MND1: variants seen among roughly 807,000 people sequenced by gnomAD.
MND1 encodes meiotic nuclear divisions 1, also known as meiotic nuclear division protein 1 homolog.
Under a neutral mutation model 35.1 loss-of-function variants are expected in MND1, and 28 were observed. That is an observed-to-expected ratio of 0.80 (90% CI 0.59 to 1.09). The LOEUF is 1.09. MND1 is among the 50% of genes least tolerant of loss of function. The pLI, the probability that MND1 is intolerant of heterozygous loss-of-function variation, is 0.00. For synonymous variants in MND1, 69 were observed against 70.5 expected, an observed-to-expected ratio of 0.98 and a Z score of 0.11; for missense variants, 213 against 239.6, an observed-to-expected ratio of 0.89 and a Z score of 0.73.
intron 6 of MND1, among the ~76,000 whole-genome samples, chr4:153,402,012 A>G (rs1729358403): frequency 6.6e-6 from 1 of 152,128 alleles, no homozygotes; most frequent in African/African-American, 2.4e-5. Context: ...ACAATTAGCC[A>G]GGCATGGTGA....
chr4:153,362,409 G>A (rs1471784384), intron 4 of MND1, among the ~76,000 whole-genome samples: 2 of 152,124 alleles, frequency 1.3e-5, no homozygotes, highest in East Asian at 3.9e-4. Flanking sequence ...GGCTGTTTAA[G>A]TGTGTAGCAC....
intron 4 of MND1, among the ~76,000 whole-genome samples, chr4:153,370,773 C>T (rs1378659918): frequency 6.6e-6 from 1 of 151,968 alleles, no homozygotes; most frequent in African/African-American, 2.4e-5. Flanking sequence ...CCCACCTCAG[C>T]CTCCCAAAGT....
At chr4:153,372,157 T>C (rs935249061) in intron 4 of MND1, among the ~76,000 whole-genome samples, 1 of 151,956 alleles carries the variant, frequency 6.6e-6, no homozygotes, top group Non-Finnish European at 1.5e-5. Context: ...GTGACAGATA[T>C]AATAATAATG....
In MND1 at chr4:153,364,650, A is replaced by G. The variant is rs116294521; in HGVS notation, c.276+6028A>G. Among the ~76,000 whole-genome samples the G allele has an allele frequency of 3.4e-3, 516 of 152,350 alleles. 8 individuals are homozygous for G. The highest frequency in any genetic ancestry group is 0.012 in the African/African-American group (501 of 41,584). On this transcript the variant is annotated intron_variant, in intron 4 of 7. Coordinates refer to ENST00000240488, the MANE Select transcript of MND1 (RefSeq NM_032117.4). ...GTAGAAGCAACCCAAATGACTTTCA[A>G]TGAATGAATAAACAAAATGTGAAAG...
intron 4 of MND1, among the ~76,000 whole-genome samples, chr4:153,390,317 C>T (rs769551373): frequency 2.0e-5 from 3 of 152,146 alleles, no homozygotes; most frequent in Non-Finnish European, 4.4e-5. Flanking sequence ...TATTTCAGTA[C>T]TTAGGATAAT....
intron 1 of MND1, among the ~76,000 whole-genome samples, chr4:153,348,154 C>T (rs1409979548): frequency 6.6e-6 from 1 of 152,056 alleles, no homozygotes; most frequent in Non-Finnish European, 1.5e-5. Flanking sequence ...ACAGACAGGA[C>T]AGATAAGAGA....
intron 6 of MND1, among the ~76,000 whole-genome samples, chr4:153,406,198 C>T (rs1339310345): frequency 6.6e-6 from 1 of 151,788 alleles, no homozygotes; most frequent in Non-Finnish European, 1.5e-5. Flanking sequence ...TGGACTTCAT[C>T]AAAGTTAAAA....
intron 4 of MND1, among the ~76,000 whole-genome samples, chr4:153,390,894 T>G (rs1729006154): frequency 4.4e-5 from 5 of 113,926 alleles, no homozygotes; most frequent in Admixed American, 4.1e-4. Context: ...TATATATGTG[T>G]GTGTGTGTGT....
intron 4 of MND1, among the ~76,000 whole-genome samples, chr4:153,363,267 A>G (rs1773543046): frequency 6.7e-6 from 1 of 150,138 alleles, no homozygotes; most frequent in African/African-American, 2.5e-5. Flanking sequence ...GCTGGAGTGC[A>G]GAGGCACAAA....
In MND1 at chr4:153,350,051, T is replaced by A. The variant is rs745890226; in HGVS notation, c.4-13T>A. 2 of 1,565,688 alleles carry A rather than the reference T, an allele frequency of 1.3e-6. No homozygotes were observed. Among genetic ancestry groups the A allele is most frequent in the South Asian group, 1.2e-5 (1 of 85,402 alleles). On this transcript the variant is annotated splice_polypyrimidine_tract_variant and intron_variant, in intron 1 of 7. Transcript: ENST00000240488. ...TTAAAAGCATTGTTTACTTGTTAAT[T>A]TTTTTGCTTTAGTCAAAGAAAAAAG... is the stretch of plus-strand genomic sequence containing the variant.
Position 153,402,450 on chromosome 4 carries a change from G to A in MND1, c.466+5117G>A, listed in dbSNP as rs116485558. Among the ~76,000 whole-genome samples, 768 of 152,270 alleles carry A rather than the reference G, an allele frequency of 5.0e-3. 5 individuals are homozygous for A. The highest frequency in any genetic ancestry group is 0.017 in the African/African-American group (726 of 41,542). On this transcript the variant is annotated intron_variant, in intron 6 of 7. Coordinates refer to ENST00000240488, the MANE Select transcript of MND1 (RefSeq NM_032117.4). ...TGTAGTCAACTTTTTCAGAACTCTG[G>A]AAATTAACCAAAGGCTTACAGGAGC...
intron 4 of MND1, among the ~76,000 whole-genome samples, chr4:153,390,045 T>TA (rs1424943523): frequency 4.0e-5 from 6 of 148,216 alleles, no homozygotes; most frequent in African/African-American, 7.6e-5. Context: ...TTTTTTTTTT[T>TA]ATATGCTAAA....
intron 6 of MND1, among the ~76,000 whole-genome samples, chr4:153,404,916 G>A (rs1729453216): frequency 6.6e-6 from 1 of 151,428 alleles, no homozygotes. Context: ...TATCTTTTTT[G>A]TAGAGACGGG....
At chr4:153,354,012 G>A (rs1773283105) in intron 2 of MND1, among the ~76,000 whole-genome samples, 1 of 152,190 alleles carries the variant, frequency 6.6e-6, no homozygotes, top group Non-Finnish European at 1.5e-5. Context: ...GAGCCACCAT[G>A]TCCAGCCACA....
At chr4:153,361,580 C>T in intron 4 of MND1, 1 of 455,730 alleles carries the variant, frequency 2.2e-6, no homozygotes. Context: ...TGGCTCACGC[C>T]TGTAATCCCA....
At chr4:153,393,104 G>T (rs1209167894) in intron 4 of MND1, among the ~76,000 whole-genome samples, 1 of 152,062 alleles carries the variant, frequency 6.6e-6, no homozygotes, top group Non-Finnish European at 1.5e-5. Flanking sequence ...GGGTGCCAGA[G>T]TGAGACACTG....
At chr4:153,374,202 A>C (rs1384424588) in intron 4 of MND1, among the ~76,000 whole-genome samples, 1 of 152,186 alleles carries the variant, frequency 6.6e-6, no homozygotes, top group Non-Finnish European at 1.5e-5. Context: ...AGATCAGCTA[A>C]ATCAGTATTG....
At chr4:153,411,207 A>T (rs1729672226) in intron 7 of MND1, among the ~76,000 whole-genome samples, 1 of 152,142 alleles carries the variant, frequency 6.6e-6, no homozygotes, top group Admixed American at 6.6e-5. Flanking sequence ...TTTTGTAAAC[A>T]CATATGAGAG....
chr4:153,353,053 G>A (rs570014691), intron 2 of MND1, among the ~76,000 whole-genome samples: 136 of 152,140 alleles, frequency 8.9e-4, no homozygotes, highest in African/African-American at 3.2e-3. Flanking sequence ...AGTGGTTCAT[G>A]TTCTTTTTCT....
Sources: gnomAD v4.1 joint callset for allele counts (sites outside exome capture counted in the v4.1 genomes callset) on GRCh38, gnomAD v4.1.1 for gene constraint, MANE v1.5 for transcripts, NCBI Gene and HGNC (gene_info 2026-07-23, HGNC 2026-07-21) for gene names.